The following MRPL37 variants were observed in gnomAD, a reference collection of about 807,000 sequenced individuals.
The protein encoded by MRPL37 is mitochondrial ribosomal protein L37.
A neutral mutation model predicts 44.1 loss-of-function variants in MRPL37; 34 were observed. The ratio of observed to expected loss-of-function variants is 0.77; its 90% CI spans 0.59 to 1.03. MRPL37 has a LOEUF of 1.03. MRPL37 is among the 50% of genes least tolerant of loss of function. The pLI is 0.00. For missense variants in MRPL37, 532 were observed against 543.7 expected, an observed-to-expected ratio of 0.98 and a Z score of 0.21; for synonymous variants, 212 against 219.5, an observed-to-expected ratio of 0.97 and a Z score of 0.30.
chr1:54,219,468 A>C (rs1040449837), downstream of MRPL37, among the ~76,000 whole-genome samples: 1 of 152,196 alleles, frequency 6.6e-6, no homozygotes, highest in African/African-American at 2.4e-5. Flanking sequence ...TGGGGACAGG[A>C]AGTGACTGGA....
In MRPL37 at chr1:54,200,543, A is replaced by T; in HGVS notation, c.300A>T (p.Lys100Asn). Residue 100 changes from lysine to asparagine, a missense_variant, in exon 1 of 7, where the codon AAA becomes AAT. Coordinates refer to ENST00000360840, the MANE Select transcript of MRPL37 (RefSeq NM_016491.4). ...SPPLHEHPLY[K>N]DQACYIFHHR... ...CTCTTCACGAGCATCCGCTGTACAA[A>T]GACCAGGCCTGCTATATCTTTCACC... 1.2e-6 allele frequency: 2 copies of T among 1,612,322 alleles called. No homozygotes were observed. Among genetic ancestry groups the T allele is most frequent in the Non-Finnish European group, 1.7e-6 (2 of 1,178,536 alleles).
chr1:54,213,650 C>T (rs976903333), intron 5 of MRPL37, among the ~76,000 whole-genome samples: 10 of 152,220 alleles, frequency 6.6e-5, no homozygotes, highest in Non-Finnish European at 1.5e-4. Flanking sequence ...GGCATACTCT[C>T]AGACCTACCC....
At chr1:54,201,544 C>T (rs1222542963) in intron 1 of MRPL37, among the ~76,000 whole-genome samples, 2 of 152,200 alleles carry the variant, frequency 1.3e-5, no homozygotes, top group East Asian at 3.8e-4. Flanking sequence ...CATTCGTTTG[C>T]CTAGGCTGAA....
chr1:54,209,130 A>C (rs1476654191), intron 3 of MRPL37, among the ~76,000 whole-genome samples: 2 of 152,208 alleles, frequency 1.3e-5, no homozygotes, highest in African/African-American at 4.8e-5. Context: ...TTTTCACTGT[A>C]GCACTCACTA....
intron 5 of MRPL37, 89 bp from the exon 6 acceptor site, chr1:54,216,052 A>T: frequency 7.3e-7 from 1 of 1,374,110 alleles, no homozygotes; most frequent in Non-Finnish European, 1.0e-6. Flanking sequence ...TGGACGTTGT[A>T]AAGGGAAGAA....
chr1:54,219,433 A>G (rs543975439), downstream of MRPL37, among the ~76,000 whole-genome samples: 6 of 152,284 alleles, frequency 3.9e-5, no homozygotes, highest in African/African-American at 1.4e-4. Context: ...GATTAGCAGG[A>G]AAAGCAGCAA....
chr1:54,202,146 C>T (rs1237202581), intron 1 of MRPL37, among the ~76,000 whole-genome samples: 3 of 151,892 alleles, frequency 2.0e-5, no homozygotes, highest in African/African-American at 4.8e-5. Flanking sequence ...GGACCACAGG[C>T]GCATGCCACC....
chr1:54,220,750 AGCTGGTGAAGGAGCAGGAGCAC>A, downstream of MRPL37: 1 of 471,414 alleles, frequency 2.1e-6, no homozygotes, highest in Non-Finnish European at 4.4e-6. Flanking sequence ...CCAGCCAGTG[AGCTGGTGAAGGAGCAGGAGCAC>A]GCTGCAGGGA....
At chr1:54,218,789 G>T (rs1439762876), downstream of MRPL37, among the ~76,000 whole-genome samples, 1 of 152,194 alleles carries the variant, frequency 6.6e-6, no homozygotes, top group East Asian at 1.9e-4. Flanking sequence ...GTCAAGTCCT[G>T]ATCTGTGCCA....
At chr1:54,215,355 C>T (rs1421802837) in intron 5 of MRPL37, among the ~76,000 whole-genome samples, 1 of 152,156 alleles carries the variant, frequency 6.6e-6, no homozygotes, top group East Asian at 1.9e-4. Flanking sequence ...TAGAGGTGAC[C>T]TGATGTAAAA....
At chr1:54,202,462 G>A (rs1644091765) in intron 1 of MRPL37, among the ~76,000 whole-genome samples, 1 of 151,938 alleles carries the variant, frequency 6.6e-6, no homozygotes, top group African/African-American at 2.4e-5. Flanking sequence ...CCTTCCATCC[G>A]AGACATGGTC....
At chr1:54,203,316 G>A (rs1326000734) in intron 1 of MRPL37, among the ~76,000 whole-genome samples, 1 of 151,914 alleles carries the variant, frequency 6.6e-6, no homozygotes, top group African/African-American at 2.4e-5. Flanking sequence ...GCCTGGCTAC[G>A]TATACGCCAT....
Position 54,216,224 on chromosome 1 carries a change from A to G in MRPL37, c.1074A>G (p.Gln358=), listed in dbSNP as rs1644196385. ...GTGTCTTCCATTTCCTAGTGTTTCA[A>G]CTGAATACCACAGACCTGGACTGTA... ...DGRVFHFLVF[Q]LNTTDLDCNE... Residue 358 remains glutamine (Q), a synonymous_variant, in exon 6 of 7, where the codon CAA becomes CAG. Coordinates refer to ENST00000360840, the MANE Select transcript of MRPL37 (RefSeq NM_016491.4). 1 of 1,614,122 alleles carries G rather than the reference A, an allele frequency of 6.2e-7. No homozygotes were observed. The highest frequency in any genetic ancestry group is 8.5e-7 in the Non-Finnish European group (1 of 1,180,034).
chr1:54,200,740 G>A, intron 1 of MRPL37, 151 bp downstream of exon 1: 2 of 910,326 alleles, frequency 2.2e-6, no homozygotes, highest in African/African-American at 1.7e-5. Flanking sequence ...TCTTCTGAGG[G>A]TTGTTAGAAT....
intron 1 of MRPL37, 37 bp from the exon 2 acceptor site, chr1:54,204,981 C>T (rs1288088586): frequency 6.3e-7 from 1 of 1,580,786 alleles, no homozygotes; most frequent in South Asian, 1.1e-5. Context: ...GAATCTTTTT[C>T]TTTCCTTCTT....
Position 54,218,243 on chromosome 1 carries a change from TGC to T in MRPL37, c.1268_1269del (p.Ala423ValfsTer7), listed in dbSNP as rs763148203. ...KFLALYLHGA[A>X] Reference sequence around the variant, plus strand: ...TTTTAGCTCTATATTTGCATGGTGCTGCGTGAGCGGAGGACCCCTCTGAATCC... The same window carrying T: ...TTTTAGCTCTATATTTGCATGGTGCTGTGAGCGGAGGACCCCTCTGAATCC... On this transcript the variant is annotated frameshift_variant, in exon 7 of 7. Transcript: ENST00000360840. LOFTEE classifies it high-confidence loss of function. 8.7e-6 allele frequency: 14 copies of T among 1,614,112 alleles called. No individual in the cohort carries two copies. The highest frequency in any genetic ancestry group is 4.2e-6 in the Non-Finnish European group (5 of 1,180,048).
chr1:54,212,499 A>G lies in MRPL37; in HGVS notation c.833-2A>G. On this transcript the variant is annotated splice_acceptor_variant, in intron 4 of 6. Transcript: ENST00000360840. LOFTEE classifies it high-confidence loss of function. ...CCCTCCACATAATTGTGTCTCTTGC[A>G]GGATTCCAGGAAGGCTATCCTTACC... The G allele has an allele frequency of 6.2e-7, 1 of 1,613,756 alleles. No homozygotes were observed. The highest frequency in any genetic ancestry group is 8.5e-7 in the Non-Finnish European group (1 of 1,179,792).
downstream of MRPL37, chr1:54,220,759 A>G (rs975311959): frequency 2.1e-6 from 1 of 471,332 alleles, no homozygotes; most frequent in Non-Finnish European, 4.4e-6. Flanking sequence ...GAGCTGGTGA[A>G]GGAGCAGGAG....
intron 5 of MRPL37, among the ~76,000 whole-genome samples, chr1:54,214,098 G>A (rs999913362): frequency 6.6e-6 from 1 of 152,170 alleles, no homozygotes; most frequent in Non-Finnish European, 1.5e-5. Flanking sequence ...CATGAATGTT[G>A]CTTTAACCCA....
Sources: allele counts gnomAD v4.1 joint callset (sites outside exome capture counted in the v4.1 genomes callset), GRCh38; gene constraint gnomAD v4.1.1; transcripts MANE v1.5; gene names NCBI Gene and HGNC (gene_info 2026-07-23, HGNC 2026-07-21).